MYH14: variants seen among roughly 807,000 people sequenced by gnomAD.
The protein encoded by MYH14 is myosin-14.
Under a neutral mutation model 255.5 loss-of-function variants are expected in MYH14, and 123 were observed. The observed-to-expected ratio is 0.48, with a 90% confidence interval of 0.42 to 0.56. The LOEUF (loss-of-function observed/expected upper bound fraction) is 0.56, where lower values mean the gene tolerates loss of function less well. MYH14 is among the 20% of genes least tolerant of loss of function. The pLI is 0.00. For missense variants in MYH14, 2,423 were observed against 2,802.3 expected (o/e 0.86, Z 3.06); for synonymous variants, 1,095 against 1,161.2 (o/e 0.94, Z 1.16).
chr19:50,244,319 A>C lies in MYH14; in HGVS notation c.1192A>C (p.Thr398Pro). ...LKRERNTDQA[T>P]MPDNTAAQKL... is the part of the protein sequence containing the mutation. The stretch of plus-strand genomic sequence containing the variant: ...GAGAGAACGGAACACCGATCAAGCC[A>C]CCATGCCTGACAACACAGGTACTGC... Residue 398 changes from threonine (T) to proline (P), a missense_variant, in exon 11 of 43, where the codon ACC becomes CCC. Transcript: ENST00000642316. The C allele has an allele frequency of 6.2e-7, 1 of 1,613,500 alleles. No homozygotes were observed. Among genetic ancestry groups the C allele is most frequent in the Non-Finnish European group, 8.5e-7 (1 of 1,179,816 alleles).
chr19:50,300,990 C>T (rs1269234249), intron 39 of MYH14, among the ~76,000 whole-genome samples: 1 of 151,600 alleles, frequency 6.6e-6, no homozygotes, highest in Non-Finnish European at 1.5e-5. Flanking sequence ...ATGCTAATTA[C>T]CCAGTCATTG....
chr19:50,237,791 C>T (rs1465743139), intron 10 of MYH14, among the ~76,000 whole-genome samples: 1 of 152,218 alleles, frequency 6.6e-6, no homozygotes, highest in Non-Finnish European at 1.5e-5. Context: ...GATGAATGAG[C>T]TCTCATTACA....
chr19:50,282,774 T>C (rs1033875818), intron 33 of MYH14, among the ~76,000 whole-genome samples: 4 of 152,218 alleles, frequency 2.6e-5, no homozygotes, highest in African/African-American at 7.2e-5. Flanking sequence ...AGTATGTTTT[T>C]CTAGCTGACT....
chr19:50,245,385 A>T (rs1158970831), intron 11 of MYH14, among the ~76,000 whole-genome samples: 5 of 147,732 alleles, frequency 3.4e-5, no homozygotes, highest in Non-Finnish European at 7.4e-5. Context: ...GTGCCGCTGC[A>T]CTCCAGCCTG....
intron 42 of MYH14, 126 bp from the exon 43 acceptor site, chr19:50,309,514 C>T (rs1449070696): frequency 1.4e-6 from 1 of 702,058 alleles, no homozygotes; most frequent in Non-Finnish European, 2.5e-6. Context: ...CCTCTCTTCC[C>T]CCTTATTTTG....
chr19:50,291,000 T>C lies in MYH14; in HGVS notation c.5079T>C (p.Ser1693=), dbSNP rs1394205978. ...ELEELKAQMA[S]AGQGKEEAVK... is the part of the protein sequence containing the mutation. ...AGGAGCTGAAGGCTCAGATGGCCTC[T>C]GCCGGCCAGGGCAAGGAGGAGGCGG... Residue 1693 remains serine (S), a synonymous_variant, in exon 36 of 43, where the codon TCT becomes TCC. Transcript: ENST00000642316. 1.2e-6 allele frequency: 2 copies of C among 1,612,014 alleles called. No individual in the cohort carries two copies. Among genetic ancestry groups the C allele is most frequent in the Non-Finnish European group, 1.7e-6 (2 of 1,179,418 alleles).
At chr19:50,218,020 G>A (rs1294744585) in intron 3 of MYH14, among the ~76,000 whole-genome samples, 2 of 151,904 alleles carry the variant, frequency 1.3e-5, no homozygotes, top group African/African-American at 2.4e-5. Context: ...AGTTTGAGAC[G>A]GAGTCTTGCT....
intron 34 of MYH14, among the ~76,000 whole-genome samples, chr19:50,287,813 A>G (rs1338121433): frequency 2.0e-5 from 3 of 152,184 alleles, no homozygotes; most frequent in African/African-American, 7.2e-5. Context: ...GAGAGAGAAC[A>G]CGAAGAGAAT....
rs750057846 is a variant in MYH14 at position 50,301,796 on chromosome 19, C to T, written c.5605C>T (p.Arg1869Cys). 1.2e-5 allele frequency: 19 copies of T among 1,613,684 alleles called. No homozygotes were observed. Among genetic ancestry groups the T allele is most frequent in the Admixed American group, 3.3e-5 (2 of 59,982 alleles). ...LGEEDAGARA[R>C]HKMTIAALES... ...TGAGGAGGATGCTGGGGCCCGTGCC[C>T]GCCACAAGATGACCATTGCTGCCCT... Residue 1869 changes from arginine (R) to cysteine (C), a missense_variant, in exon 40 of 43, where the codon CGC (arginine) becomes TGC (cysteine). By Grantham distance (180) the Arg-to-Cys change is radical. Transcript: ENST00000642316.
chr19:50,290,798 A>T (rs749643331), intron 35 of MYH14, 89 bp from the exon 36 acceptor site: 75 of 1,371,104 alleles, frequency 5.5e-5, no homozygotes, highest in Non-Finnish European at 7.2e-5. Flanking sequence ...CCTGGGCAGG[A>T]GCTCCAGGGC....
In MYH14 at chr19:50,266,095, C is replaced by T. The variant is rs80172953; in HGVS notation, c.2695-782C>T. Among the ~76,000 whole-genome samples, 84 of 152,238 alleles carry T rather than the reference C, an allele frequency of 5.5e-4. 1 individual carries two copies. In the East Asian group the frequency reaches 0.012, roughly 22 times the overall value. On this transcript the variant is annotated intron_variant, in intron 22 of 42. Transcript: ENST00000642316. The surrounding 1 kb of genome is among the most constrained non-coding windows in gnomAD (Gnocchi z 4.1). ...AAGAATCAAGTAGACTTGTGTAGAA[C>T]GGAGTAGAATATGATTGAACAGAAA... is the stretch of plus-strand genomic sequence containing the variant.
intron 2 of MYH14, among the ~76,000 whole-genome samples, chr19:50,217,169 C>G (rs2032526854): frequency 6.6e-6 from 1 of 152,172 alleles, no homozygotes; most frequent in Non-Finnish European, 1.5e-5. Flanking sequence ...AACTCACCTC[C>G]TTTTACTTGA....
chr19:50,294,496 G>A (rs1458723666), intron 39 of MYH14, among the ~76,000 whole-genome samples: 1 of 149,174 alleles, frequency 6.7e-6, no homozygotes, highest in Non-Finnish European at 1.5e-5. Flanking sequence ...GTGCAGTGGT[G>A]CTATCTCGGC....
intron 39 of MYH14, among the ~76,000 whole-genome samples, chr19:50,296,520 T>C (rs542319878): frequency 2.1e-4 from 32 of 151,888 alleles, no homozygotes; most frequent in African/African-American, 7.7e-4. Flanking sequence ...GGTAGGAGGA[T>C]TGCCTGGATC....
At chr19:50,271,285 G>T in intron 24 of MYH14, 124 bp from the exon 25 acceptor site, 1 of 950,606 alleles carries the variant, frequency 1.1e-6, no homozygotes, top group East Asian at 2.6e-5. Flanking sequence ...CTCACCCAGG[G>T]CATGGACATC....
At position 50,255,205 on chromosome 19, in the gene MYH14, G is replaced by A; in HGVS notation, c.1946-15G>A. On this transcript the variant is annotated splice_polypyrimidine_tract_variant and intron_variant, in intron 16 of 42. Coordinates refer to ENST00000642316, the MANE Select transcript of MYH14 (RefSeq NM_001145809.2). Reference sequence around the variant, plus strand: ...CTCCCCTCCACCCACCCACACATCTGTCCTCACTCCCCAGAACATGGGGGC... The same window carrying A: ...CTCCCCTCCACCCACCCACACATCTATCCTCACTCCCCAGAACATGGGGGC... 1.2e-5 allele frequency: 19 copies of A among 1,532,368 alleles called. No individual in the cohort carries two copies. Among genetic ancestry groups the A allele is most frequent in the Non-Finnish European group, 1.7e-5 (19 of 1,130,060 alleles). 94.9% of individuals were successfully genotyped at this position (1,532,368 alleles called of 1,614,324 possible). A position where few individuals can be genotyped will look rare whatever the true frequency, so the allele number is the denominator to read the frequency against.
chr19:50,216,900 C>T (rs1158595588), intron 2 of MYH14, among the ~76,000 whole-genome samples: 1 of 149,402 alleles, frequency 6.7e-6, no homozygotes, highest in African/African-American at 2.5e-5. Context: ...CTCCGCCTGC[C>T]AGGTTCAAAC....
chr19:50,217,055 C>T (rs967298617), intron 2 of MYH14, among the ~76,000 whole-genome samples: 2 of 152,056 alleles, frequency 1.3e-5, no homozygotes, highest in Non-Finnish European at 2.9e-5. Flanking sequence ...GTGATCCACC[C>T]GTCTCGGCTT....
chr19:50,294,294 G>A (rs993128333), intron 39 of MYH14, among the ~76,000 whole-genome samples: 1 of 151,292 alleles, frequency 6.6e-6, no homozygotes, highest in Admixed American at 6.6e-5. Context: ...GGAGGATAGA[G>A]GCCATCAGAG....
Sources: allele counts gnomAD v4.1 joint callset (sites outside exome capture counted in the v4.1 genomes callset), GRCh38; gene constraint gnomAD v4.1.1; non-coding constraint Gnocchi (gnomAD v3.1); transcripts MANE v1.5; gene names NCBI Gene and HGNC (gene_info 2026-07-23, HGNC 2026-07-21).